PTPRD: variants seen among roughly 807,000 people sequenced by gnomAD.
PTPRD encodes receptor-type tyrosine-protein phosphatase delta.
Under a neutral mutation model 214.5 loss-of-function variants are expected in PTPRD, and 34 were observed. The ratio of observed to expected loss-of-function variants is 0.16; its 90% confidence interval spans 0.12 to 0.21. The LOEUF (loss-of-function observed/expected upper bound fraction) is 0.21. Ranked by LOEUF, PTPRD falls within the 10% of genes least tolerant of loss-of-function variation. The pLI is 1.00. For synonymous variants in PTPRD, 1,128 were observed against 845.7 expected, an observed-to-expected ratio of 1.33 and a Z score of -5.79; for missense variants, 2,545 against 2,398.7, an observed-to-expected ratio of 1.06 and a Z score of -1.27.
At chr9:8,495,043 AG>A (rs374788204) in intron 26 of PTPRD, among the ~76,000 whole-genome samples, 7 of 152,144 alleles carry the variant, frequency 4.6e-5, no homozygotes, top group Admixed American at 1.3e-4. Flanking sequence ...ATCTTAAAAA[AG>A]AAACTGCATT....
intron 5 of PTPRD, among the ~76,000 whole-genome samples, chr9:9,900,199 G>T (rs961689405): frequency 2.6e-5 from 4 of 152,070 alleles, no homozygotes; most frequent in African/African-American, 9.7e-5. Context: ...AAATTTTTAT[G>T]CTCTGCTTCC....
intron 5 of PTPRD, among the ~76,000 whole-genome samples, chr9:9,850,580 TA>T (rs1468285503): frequency 6.7e-6 from 1 of 149,526 alleles, no homozygotes; most frequent in East Asian, 1.9e-4. Context: ...TAAAATTGTA[TA>T]TATAGTGTAA....
At chr9:8,769,820 T>G (rs1004872394) in intron 11 of PTPRD, among the ~76,000 whole-genome samples, 13 of 149,470 alleles carry the variant, frequency 8.7e-5, no homozygotes, top group African/African-American at 3.2e-4. Flanking sequence ...AAAAAAAAAA[T>G]ACATAGAAAT....
At chr9:10,423,023 C>A (rs1366039096) in intron 2 of PTPRD, among the ~76,000 whole-genome samples, 1 of 152,036 alleles carries the variant, frequency 6.6e-6, no homozygotes, top group Admixed American at 6.6e-5. Flanking sequence ...TATTGTGGCA[C>A]TATTCACAAT....
At chr9:10,245,214 T>C (rs2091880590) in intron 3 of PTPRD, among the ~76,000 whole-genome samples, 1 of 152,140 alleles carries the variant, frequency 6.6e-6, no homozygotes, top group African/African-American at 2.4e-5. Context: ...CCTCCAAGGA[T>C]AGATTAGTCA....
intron 5 of PTPRD, among the ~76,000 whole-genome samples, chr9:9,838,259 T>A (rs1488836475): frequency 6.6e-6 from 1 of 152,134 alleles, no homozygotes; most frequent in African/African-American, 2.4e-5. Flanking sequence ...AGCAGCATGA[T>A]TTGTAGTCCT....
At chr9:9,307,767 A>G (rs1957587293) in intron 9 of PTPRD, among the ~76,000 whole-genome samples, 2 of 152,194 alleles carry the variant, frequency 1.3e-5, no homozygotes. Context: ...TTAGCTTAAC[A>G]CACAGAAAAA....
intron 2 of PTPRD, among the ~76,000 whole-genome samples, chr9:10,556,753 T>A (rs1197273120): frequency 6.6e-6 from 1 of 152,072 alleles, no homozygotes; most frequent in Non-Finnish European, 1.5e-5. Flanking sequence ...TGGATTAAAA[T>A]CTAAATATGA....
intron 14 of PTPRD, among the ~76,000 whole-genome samples, chr9:8,546,708 C>T (rs1242170525): frequency 1.3e-5 from 2 of 152,058 alleles, no homozygotes; most frequent in Non-Finnish European, 2.9e-5. Flanking sequence ...CCACGTTGGC[C>T]AGGCTGGTCT....
intron 5 of PTPRD, among the ~76,000 whole-genome samples, chr9:9,890,185 C>A (rs1485863041): frequency 2.0e-5 from 3 of 151,922 alleles, no homozygotes; most frequent in South Asian, 2.1e-4. Context: ...ATTAAGGTTA[C>A]TAAATATCCT....
At chr9:9,992,276 G>A (rs1167596438) in intron 4 of PTPRD, among the ~76,000 whole-genome samples, 1 of 152,150 alleles carries the variant, frequency 6.6e-6, no homozygotes, top group Non-Finnish European at 1.5e-5. Flanking sequence ...CTAAAAGTTA[G>A]ATGGAATGAA....
chr9:10,439,036 A>T lies in PTPRD; in HGVS notation c.-599-98019T>A, dbSNP rs183861812. The stretch of plus-strand genomic sequence containing the variant: ...ACTGCTAAATGGGATATTAACAAAC[A>T]TGATACAGCAGAGGTCTGAAAAGTG... On this transcript the variant is annotated intron_variant, in intron 2 of 45. Transcript: ENST00000381196. Among the ~76,000 whole-genome samples, 9 of 151,906 alleles carry T rather than the reference A, an allele frequency of 5.9e-5. No individual in the cohort carries two copies. The East Asian group carries it at 1.7e-3, about 29-fold the overall frequency.
chr9:9,340,141 G>C (rs2046214235), intron 9 of PTPRD, among the ~76,000 whole-genome samples: 1 of 152,094 alleles, frequency 6.6e-6, no homozygotes, highest in African/African-American at 2.4e-5. Context: ...AACCGCTAAA[G>C]ACAGTAAAGT....
At chr9:8,966,103 G>C (rs1303475471) in intron 11 of PTPRD, among the ~76,000 whole-genome samples, 1 of 151,908 alleles carries the variant, frequency 6.6e-6, no homozygotes, top group East Asian at 1.9e-4. Flanking sequence ...AAGAACTTCA[G>C]AATACTGCTA....
intron 7 of PTPRD, among the ~76,000 whole-genome samples, chr9:9,699,610 G>C (rs928828355): frequency 3.3e-5 from 5 of 152,112 alleles, no homozygotes; most frequent in African/African-American, 1.2e-4. Flanking sequence ...TTCGGAAAAT[G>C]CTCACTTAGA....
At chr9:10,422,503 C>G (rs1409819332) in intron 2 of PTPRD, among the ~76,000 whole-genome samples, 5 of 151,814 alleles carry the variant, frequency 3.3e-5, no homozygotes, top group African/African-American at 1.2e-4. Context: ...AAAGAAACTA[C>G]CATCAGAGTA....
chr9:10,289,035 T>A (rs1025613520), intron 3 of PTPRD, among the ~76,000 whole-genome samples: 5 of 151,836 alleles, frequency 3.3e-5, no homozygotes, highest in East Asian at 1.9e-4. Flanking sequence ...TTTTTTTTTT[T>A]TTATTTCTTT....
intron 10 of PTPRD, among the ~76,000 whole-genome samples, chr9:9,065,966 A>G (rs1349141949): frequency 1.3e-5 from 2 of 152,174 alleles, no homozygotes; most frequent in Admixed American, 6.5e-5. Flanking sequence ...AAAGCATAAC[A>G]CCATTGTTAT....
At chr9:8,578,086 T>C (rs1182820440) in intron 14 of PTPRD, among the ~76,000 whole-genome samples, 3 of 152,210 alleles carry the variant, frequency 2.0e-5, no homozygotes, top group Non-Finnish European at 2.9e-5. Context: ...TTGCGCTTTA[T>C]ACAGATACAG....
Sources: gnomAD v4.1 joint callset for allele counts (sites outside exome capture counted in the v4.1 genomes callset) on GRCh38, gnomAD v4.1.1 for gene constraint, MANE v1.5 for transcripts, NCBI Gene and HGNC (gene_info 2026-07-23, HGNC 2026-07-21) for gene names.